USP13: variants seen among roughly 807,000 people sequenced by gnomAD.
USP13 encodes the protein ubiquitin carboxyl-terminal hydrolase 13.
In USP13, 68 loss-of-function variants were observed where a neutral mutation model predicts 107.8. The ratio of observed to expected loss-of-function variants is 0.63; its 90% CI spans 0.52 to 0.77. USP13 has a LOEUF of 0.77. USP13 is among the 30% of genes least tolerant of loss of function. USP13 has a pLI of 0.00. For synonymous variants in USP13, 377 were observed against 389.5 expected (o/e 0.97, Z 0.38); for missense variants, 945 against 1,093.3 (o/e 0.86, Z 1.91).
At chr3:179,665,403 G>A (rs1465003985) in intron 1 of USP13, among the ~76,000 whole-genome samples, 1 of 152,156 alleles carries the variant, frequency 6.6e-6, no homozygotes, top group African/African-American at 2.4e-5. Context: ...ATTTAATTAT[G>A]ATAGTAATTG....
intron 19 of USP13, among the ~76,000 whole-genome samples, chr3:179,778,450 A>G (rs1449800547): frequency 6.6e-6 from 1 of 152,184 alleles, no homozygotes; most frequent in Non-Finnish European, 1.5e-5. Context: ...GATAGACAAT[A>G]AATACGTGCA....
intron 13 of USP13, among the ~76,000 whole-genome samples, chr3:179,750,326 GTA>G (rs569602060): frequency 0.024 from 1,821 of 75,732 alleles, 20 homozygotes; most frequent in South Asian, 0.044. Context: ...ATATATGTGT[GTA>G]TATATATATA....
intron 1 of USP13, among the ~76,000 whole-genome samples, chr3:179,680,173 A>AAACAACAACAACAACAACAAC (rs56274945): frequency 1.1e-4 from 17 of 150,304 alleles, no homozygotes; most frequent in Admixed American, 1.1e-3. Context: ...ACGCTGTTGA[A>AAACAACAACAACAACAACAAC]AACAACAACA....
At chr3:179,673,619 G>A (rs1283679926) in intron 1 of USP13, among the ~76,000 whole-genome samples, 2 of 152,204 alleles carry the variant, frequency 1.3e-5, no homozygotes, top group African/African-American at 2.4e-5. Context: ...GAGGGGCTGA[G>A]CAGGGAGATG....
Position 179,719,967 on chromosome 3 carries a change from C to A in USP13, c.833C>A (p.Pro278His). 1.2e-6 allele frequency: 2 copies of A among 1,613,934 alleles called. No individual in the cohort carries two copies. Among genetic ancestry groups the A allele is most frequent in the South Asian group, 2.2e-5 (2 of 91,046 alleles). Residue 278 changes from proline (P) to histidine (H), a missense_variant, in exon 7 of 21, where the codon CCT (proline) becomes CAT (histidine). Transcript: ENST00000263966. Reference sequence around the variant, plus strand: ...GTTTATTCTTTTCAAGAAGAAGAACCTGTTTTGGATCCTCATTTGGCCAAG... The same window carrying A: ...GTTTATTCTTTTCAAGAAGAAGAACATGTTTTGGATCCTCATTTGGCCAAG... ...ADVYSFQEEE[P>H]VLDPHLAKHL...
chr3:179,784,208 G>A lies in USP13; in HGVS notation c.*67G>A. ...TTTAATTTGCCAAAAAAAAAAAGAA[G>A]AAGAAGAAGTTGAAACAACTAGACA... is the stretch of plus-strand genomic sequence containing the variant. On this transcript the variant is annotated 3_prime_UTR_variant, in exon 21 of 21. Coordinates refer to ENST00000263966, the MANE Select transcript of USP13 (RefSeq NM_003940.3). 6.3e-6 allele frequency: 8 copies of A among 1,263,606 alleles called. No homozygotes were observed. The highest frequency in any genetic ancestry group is 7.9e-6 in the Non-Finnish European group (7 of 890,802). 78.3% of individuals were successfully genotyped at this position (1,263,606 alleles called of 1,614,324 possible).
intron 2 of USP13, among the ~76,000 whole-genome samples, chr3:179,682,424 C>G (rs1173219335): frequency 6.6e-6 from 1 of 152,058 alleles, no homozygotes; most frequent in Admixed American, 6.6e-5. Context: ...CCCTCTCCCT[C>G]GCCAGAAGTA....
intron 1 of USP13, among the ~76,000 whole-genome samples, chr3:179,673,828 A>C (rs1411003333): frequency 6.6e-6 from 1 of 152,176 alleles, no homozygotes; most frequent in Non-Finnish European, 1.5e-5. Context: ...GTGCTACCTA[A>C]AGTGTGTCAG....
At chr3:179,661,873 G>T (rs1294911344) in intron 1 of USP13, among the ~76,000 whole-genome samples, 1 of 152,156 alleles carries the variant, frequency 6.6e-6, no homozygotes, top group African/African-American at 2.4e-5. Context: ...CTTTGCTATT[G>T]CAACTGTGGC....
rs536637081 is a variant in USP13, at chr3:179,750,190, G to A, written c.1710-2095G>A. 2.1e-4 allele frequency among the ~76,000 whole-genome samples: 32 copies of A among 151,340 alleles called. 1 individual carries two copies. Among genetic ancestry groups the A allele is most frequent in the African/African-American group, 7.0e-4 (29 of 41,198 alleles). On this transcript the variant is annotated intron_variant, in intron 13 of 20. Transcript: ENST00000263966. ...TGAGGCAGGAGAATCACTTGAATCC[G>A]GGAGGCAGAGGTTGCAGTGACCCGA...
At chr3:179,749,513 C>T (rs1374347074) in intron 13 of USP13, among the ~76,000 whole-genome samples, 1 of 151,942 alleles carries the variant, frequency 6.6e-6, no homozygotes, top group African/African-American at 2.4e-5. Flanking sequence ...ACTTGATGTC[C>T]CCAAACTGCA....
At chr3:179,700,808 A>C (rs1712489948) in intron 3 of USP13, among the ~76,000 whole-genome samples, 200 bp from the exon 4 acceptor site, 1 of 152,220 alleles carries the variant, frequency 6.6e-6, no homozygotes, top group African/African-American at 2.4e-5. Context: ...ACTGATACAT[A>C]AGTATTCATA....
intron 3 of USP13, among the ~76,000 whole-genome samples, chr3:179,697,154 A>G (rs925912789): frequency 2.0e-5 from 3 of 152,180 alleles, no homozygotes; most frequent in Non-Finnish European, 4.4e-5. Context: ...CAGGTGTTTA[A>G]ACTTGTTAAG....
chr3:179,750,320 A>ATATATATATGTG (rs1274046632), intron 13 of USP13, among the ~76,000 whole-genome samples: 2 of 40,796 alleles, frequency 4.9e-5, no homozygotes, highest in African/African-American at 1.5e-4. Context: ...ATATATATAT[A>ATATATATATGTG]TGTGTGTATA....
rs577043134 is a variant in USP13 at position 179,754,031 on chromosome 3, A to G, written c.1799-701A>G. On this transcript the variant is annotated intron_variant, in intron 14 of 20. Coordinates refer to ENST00000263966, the MANE Select transcript of USP13 (RefSeq NM_003940.3). ...TAGAATATCCACAGTACCCATCATG[A>G]TCTGAGAACGGGTTGCATCATCAAA... is the stretch of plus-strand genomic sequence containing the variant. Among the ~76,000 whole-genome samples the G allele has an allele frequency of 6.6e-5, 10 of 152,322 alleles. 1 individual carries two copies. The East Asian group carries it at 1.5e-3, about 23-fold the overall frequency.
At chr3:179,696,189 T>A (rs1230406630) in intron 3 of USP13, among the ~76,000 whole-genome samples, 2 of 152,178 alleles carry the variant, frequency 1.3e-5, no homozygotes, top group Admixed American at 6.5e-5. Flanking sequence ...ATCCCATTAG[T>A]GAAGGACTGG....
chr3:179,684,021 C>T (rs952547529), intron 2 of USP13, among the ~76,000 whole-genome samples: 3 of 151,920 alleles, frequency 2.0e-5, no homozygotes, highest in Middle Eastern at 3.4e-3. Flanking sequence ...AGTGCAGTGG[C>T]GCGATCTTGG....
rs1714249344 is a variant in USP13 at position 179,742,779 on chromosome 3, C to A, written c.1534+429C>A. Among the ~76,000 whole-genome samples the A allele has an allele frequency of 6.6e-6, 1 of 152,226 alleles. No homozygotes were observed. The highest frequency in any genetic ancestry group is 2.1e-4 in the South Asian group (1 of 4,818). ...GTCTCTTGAAATAATCCAGCTTTGG[C>A]ACATGAGTATTTGAGCCACCTCTTC... On this transcript the variant is annotated intron_variant, in intron 12 of 20. Transcript: ENST00000263966. The surrounding 1 kb of genome is among the most constrained non-coding windows in gnomAD (Gnocchi z 5.0).
At chr3:179,734,953 T>G (rs1291145172) in intron 10 of USP13, among the ~76,000 whole-genome samples, 1 of 152,216 alleles carries the variant, frequency 6.6e-6, no homozygotes, top group Non-Finnish European at 1.5e-5. Flanking sequence ...TGTCTGGCTG[T>G]CTGTGTGGTG....
Sources: allele counts gnomAD v4.1 joint callset (sites outside exome capture counted in the v4.1 genomes callset), GRCh38; gene constraint gnomAD v4.1.1; non-coding constraint Gnocchi (gnomAD v3.1); transcripts MANE v1.5; gene names NCBI Gene and HGNC (gene_info 2026-07-23, HGNC 2026-07-21).